The following LIMCH1 variants were observed in gnomAD, a reference collection of about 807,000 sequenced individuals.
The protein encoded by LIMCH1 is LIM and calponin homology domains 1.
LIMCH1 carries 113 observed loss-of-function variants against 176.5 expected under a neutral mutation model. The ratio of observed to expected loss-of-function variants is 0.64; its 90% CI spans 0.55 to 0.75. The LOEUF (loss-of-function observed/expected upper bound fraction) is 0.75, where lower values mean the gene tolerates loss of function less well. LIMCH1 is among the 30% of genes least tolerant of loss of function. The pLI is 0.00. For synonymous variants in LIMCH1, 619 were observed against 645.9 expected (o/e 0.96, Z 0.63); for missense variants, 1,674 against 1,814.9 (o/e 0.92, Z 1.41).
chr4:41,621,617 T>C (rs903897777), intron 7 of LIMCH1, among the ~76,000 whole-genome samples: 1 of 152,020 alleles, frequency 6.6e-6, no homozygotes, highest in African/African-American at 2.4e-5. Flanking sequence ...TTCTCCTGCC[T>C]CAGCCTCCCA....
intron 2 of LIMCH1, among the ~76,000 whole-genome samples, chr4:41,516,806 G>A (rs749222714): frequency 6.6e-6 from 1 of 152,214 alleles, no homozygotes; most frequent in Non-Finnish European, 1.5e-5. Context: ...TTTGTTTACA[G>A]TATCCCAAAT....
intron 2 of LIMCH1, among the ~76,000 whole-genome samples, chr4:41,502,000 C>T (rs2073382114): frequency 6.6e-6 from 1 of 151,258 alleles, no homozygotes; most frequent in Non-Finnish European, 1.5e-5. Context: ...CAACCCATCA[C>T]CCAGGTATTA....
intron 1 of LIMCH1, among the ~76,000 whole-genome samples, chr4:41,545,996 T>G (rs183050281): frequency 1.6e-4 from 24 of 152,272 alleles, no homozygotes; most frequent in Admixed American, 6.5e-5. Context: ...GTCTACCTGT[T>G]TATTCATTCA....
At chr4:41,559,574 A>G (rs2081785619) in intron 1 of LIMCH1, among the ~76,000 whole-genome samples, 1 of 152,070 alleles carries the variant, frequency 6.6e-6, no homozygotes, top group Non-Finnish European at 1.5e-5. Flanking sequence ...TTGCAAAAAT[A>G]GTCTCCATTT....
Position 41,425,627 on chromosome 4 carries a change from G to A in LIMCH1, c.96+64691G>A, listed in dbSNP as rs553220022. On this transcript the variant is annotated intron_variant, in intron 1 of 26. Transcript: ENST00000313860. ...CTCCCTAAGTTCTGGGATTACAGGTGTGAGCCACCACACCCACCTGGCCTG... is the reference window on the plus strand; with the variant it reads ...CTCCCTAAGTTCTGGGATTACAGGTATGAGCCACCACACCCACCTGGCCTG... Among the ~76,000 whole-genome samples, 9 of 152,294 alleles carry A rather than the reference G, an allele frequency of 5.9e-5. No individual in the cohort carries two copies. The South Asian group carries it at 1.5e-3, about 25-fold the overall frequency.
chr4:41,608,205 C>T (rs2090981728), intron 4 of LIMCH1, among the ~76,000 whole-genome samples: 1 of 152,172 alleles, frequency 6.6e-6, no homozygotes, highest in South Asian at 2.1e-4. Context: ...AGGCTTTAGC[C>T]ATCATGTCCA....
At chr4:41,403,128 A>G (rs2058632493) in intron 1 of LIMCH1, among the ~76,000 whole-genome samples, 2 of 152,186 alleles carry the variant, frequency 1.3e-5, no homozygotes, top group East Asian at 1.9e-4. Context: ...GCCTAGTACC[A>G]TATCTAGGAA....
At chr4:41,407,978 T>A (rs1435182886) in intron 1 of LIMCH1, among the ~76,000 whole-genome samples, 2 of 152,184 alleles carry the variant, frequency 1.3e-5, no homozygotes, top group African/African-American at 4.8e-5. Context: ...TAGGAACTAT[T>A]TATAAAGTTA....
At chr4:41,583,179 G>A (rs149201800) in intron 1 of LIMCH1, among the ~76,000 whole-genome samples, 4 of 152,294 alleles carry the variant, frequency 2.6e-5, no homozygotes, top group Admixed American at 6.5e-5. Flanking sequence ...AGAACTAAAT[G>A]TGGGAGAAAT....
rs200046514 is a variant in LIMCH1 at position 41,646,212 on chromosome 4, G to T, written c.2343G>T (p.Leu781=). 1.5e-5 allele frequency: 25 copies of T among 1,614,074 alleles called. No individual in the cohort carries two copies. The East Asian group carries it at 5.1e-4, about 33-fold the overall frequency. The part of the protein sequence containing the change: ...EEERKKMEKL[L]AGEDGTSERR... The stretch of plus-strand genomic sequence containing the variant: ...AAAGGAAAAAAATGGAGAAGTTACT[G>T]GCTGGAGAAGATGGGACAAGTGAAC... Residue 781 remains leucine, a synonymous_variant, in exon 16 of 32, where the codon CTG becomes CTT. Coordinates refer to ENST00000503057, the MANE Select transcript of LIMCH1 (RefSeq NM_001330672.2).
At chr4:41,452,144 G>A (rs1392495125) in intron 1 of LIMCH1, among the ~76,000 whole-genome samples, 1 of 152,170 alleles carries the variant, frequency 6.6e-6, no homozygotes, top group African/African-American at 2.4e-5. Context: ...AAAGGCAAAA[G>A]CATGTTTTTG....
chr4:41,685,022 A>C (rs959480693), intron 27 of LIMCH1, among the ~76,000 whole-genome samples: 1 of 152,172 alleles, frequency 6.6e-6, no homozygotes, highest in Non-Finnish European at 1.5e-5. Flanking sequence ...CAAATTCTAC[A>C]TGCCGAGGGT....
chr4:41,403,045 A>G (rs1034324682), intron 1 of LIMCH1, among the ~76,000 whole-genome samples: 6 of 152,122 alleles, frequency 3.9e-5, no homozygotes, highest in African/African-American at 1.4e-4. Flanking sequence ...TTATATAAAG[A>G]TGAAATAACT....
intron 1 of LIMCH1, among the ~76,000 whole-genome samples, chr4:41,570,269 C>G (rs573525886): frequency 2.6e-5 from 4 of 152,324 alleles, no homozygotes; most frequent in Non-Finnish European, 4.4e-5. Context: ...CAGCGAAGCT[C>G]TGACCTGAGG....
chr4:41,403,129 T>G (rs533233804), intron 1 of LIMCH1, among the ~76,000 whole-genome samples: 2 of 151,972 alleles, frequency 1.3e-5, no homozygotes, highest in East Asian at 3.9e-4. Flanking sequence ...CCTAGTACCA[T>G]ATCTAGGAAA....
In LIMCH1 at chr4:41,671,566, G is replaced by A. The variant is rs144519862; in HGVS notation, c.3410G>A (p.Ser1137Asn). Reference sequence around the variant, plus strand: ...TTTTTCTGTGCAGTGGATTCTCCAAGCAGTGAGAAGTCACCTGTTATGACA... The same window carrying A: ...TTTTTCTGTGCAGTGGATTCTCCAAACAGTGAGAAGTCACCTGTTATGACA... ...PNLNSQVDSP[S>N]SEKSPVMTPF... The change falls in exon 22 of 32, where the codon AGC (serine) becomes AAC (asparagine). Residue 1137 changes from serine (S) to asparagine (N), a missense_variant. Physicochemically the swap from Ser to Asn is conservative, Grantham distance 46. Coordinates refer to ENST00000503057, the MANE Select transcript of LIMCH1 (RefSeq NM_001330672.2). 3 of 1,604,314 alleles carry A rather than the reference G, an allele frequency of 1.9e-6. No homozygotes were observed. The highest frequency in any genetic ancestry group is 2.6e-6 in the Non-Finnish European group (3 of 1,171,904).
At chr4:41,526,800 A>G (rs1197610159) in intron 3 of LIMCH1, among the ~76,000 whole-genome samples, 2 of 152,236 alleles carry the variant, frequency 1.3e-5, no homozygotes, top group Non-Finnish European at 2.9e-5. Context: ...AATGTAAGTG[A>G]AGGCATCATA....
intron 18 of LIMCH1, among the ~76,000 whole-genome samples, chr4:41,656,747 C>T (rs1002156289): frequency 4.6e-5 from 7 of 152,056 alleles, no homozygotes; most frequent in South Asian, 2.1e-4. Flanking sequence ...TTGTCCAAGA[C>T]GAGAGCCAGG....
chr4:41,632,779 C>T lies in LIMCH1; in HGVS notation c.1632C>T (p.Cys544=), dbSNP rs1056291535. The part of the protein sequence containing the change: ...RTMNCGRGDY[C]RRASWLAPVP... The stretch of plus-strand genomic sequence containing the variant: ...TGAATTGTGGCCGAGGTGACTATTG[C>T]AGAAGGGCCTCGTGGCTGGCTCCTG... Residue 544 remains cysteine (C), a synonymous_variant, in exon 11 of 32, where the codon TGC becomes TGT. Coordinates refer to ENST00000503057, the MANE Select transcript of LIMCH1 (RefSeq NM_001330672.2). The T allele has an allele frequency of 4.6e-6, 7 of 1,536,160 alleles. No individual in the cohort carries two copies. In the African/African-American group the frequency reaches 6.8e-5, roughly 15 times the overall value.
Sources: allele counts gnomAD v4.1 joint callset (sites outside exome capture counted in the v4.1 genomes callset), GRCh38; gene constraint gnomAD v4.1.1; transcripts MANE v1.5; gene names NCBI Gene and HGNC (gene_info 2026-07-23, HGNC 2026-07-21).